The following GRM8 variants were observed in gnomAD, a reference collection of about 807,000 sequenced individuals.
The protein encoded by GRM8 is glutamate metabotropic receptor 8, also known as metabotropic glutamate receptor 8.
In GRM8, 47 loss-of-function variants were observed where a neutral mutation model predicts 87.2. That is an observed-to-expected ratio of 0.54 (90% confidence interval 0.43 to 0.69). GRM8 has a LOEUF of 0.69. Ranked by LOEUF, GRM8 falls within the 30% of genes least tolerant of loss-of-function variation. The pLI is 0.00. For synonymous variants in GRM8, 396 were observed against 404.5 expected (o/e 0.98, Z 0.25); for missense variants, 1,019 against 1,139.2 (o/e 0.89, Z 1.52).
In GRM8 at chr7:126,685,393, C is replaced by T. The variant is rs377116279; in HGVS notation, c.1358-75895G>A. Among the ~76,000 whole-genome samples, 3 of 152,120 alleles carry T rather than the reference C, an allele frequency of 2.0e-5. No homozygotes were observed. The highest frequency in any genetic ancestry group is 6.5e-5 in the Admixed American group (1 of 15,276). On this transcript the variant is annotated intron_variant, in intron 7 of 10. Coordinates refer to ENST00000339582, the MANE Select transcript of GRM8 (RefSeq NM_000845.3). This position sits in a 1 kb window ranked among gnomAD's most constrained non-coding sequence, Gnocchi z 4.2. Reference sequence around the variant, plus strand: ...CCCTGGACAAGCGGGAGACCCACCCCCTCTGAGTTAGCTGGGTGGGAGCTC... The same window carrying T: ...CCCTGGACAAGCGGGAGACCCACCCTCTCTGAGTTAGCTGGGTGGGAGCTC...
At chr7:126,641,948 G>C (rs1802437112) in intron 7 of GRM8, among the ~76,000 whole-genome samples, 1 of 152,084 alleles carries the variant, frequency 6.6e-6, no homozygotes, top group Non-Finnish European at 1.5e-5. Context: ...CACCTCATTG[G>C]CAAGACTGTC....
At chr7:126,521,333 G>C (rs1812950838) in intron 9 of GRM8, among the ~76,000 whole-genome samples, 2 of 152,006 alleles carry the variant, frequency 1.3e-5, no homozygotes, top group South Asian at 2.1e-4. Flanking sequence ...ATAACATAGA[G>C]AGTCTAAAAT....
At chr7:126,708,275 C>T (rs1391420380) in intron 7 of GRM8, among the ~76,000 whole-genome samples, 2 of 151,700 alleles carry the variant, frequency 1.3e-5, no homozygotes, top group Non-Finnish European at 2.9e-5. Context: ...GTACATAGTT[C>T]GTGGGAATGT....
At chr7:127,212,961 T>C (rs973603447) in intron 2 of GRM8, among the ~76,000 whole-genome samples, 1 of 152,364 alleles carries the variant, frequency 6.6e-6, no homozygotes, top group East Asian at 1.9e-4. Context: ...ATTCAACAGA[T>C]AGATTTCTCT....
chr7:127,028,797 A>AT (rs1450095543), intron 3 of GRM8, among the ~76,000 whole-genome samples: 2 of 151,782 alleles, frequency 1.3e-5, no homozygotes, highest in African/African-American at 4.8e-5. Flanking sequence ...GGATTCATTG[A>AT]TTTTTTGAAG....
chr7:126,835,217 T>C (rs1586136589), intron 6 of GRM8, among the ~76,000 whole-genome samples: 1 of 152,210 alleles, frequency 6.6e-6, no homozygotes, highest in African/African-American at 2.4e-5. Context: ...ATGAAACTAC[T>C]GATGTTTCAA....
intron 3 of GRM8, among the ~76,000 whole-genome samples, chr7:127,055,681 A>T (rs17863199): frequency 0.08 from 12,136 of 151,896 alleles, 530 homozygotes; most frequent in South Asian, 0.13. Context: ...ACACACACAC[A>T]CTCACATAAC....
intron 2 of GRM8, among the ~76,000 whole-genome samples, chr7:127,135,010 T>C (rs1359802636): frequency 1.3e-5 from 2 of 152,094 alleles, no homozygotes; most frequent in Non-Finnish European, 2.9e-5. Context: ...GTTTAACACA[T>C]CATTGCTAAA....
intron 3 of GRM8, among the ~76,000 whole-genome samples, chr7:127,064,780 C>T (rs191774186): frequency 9.9e-5 from 15 of 152,158 alleles, no homozygotes; most frequent in Admixed American, 3.9e-4. Flanking sequence ...TCAATATCAC[C>T]GATCATTAGA....
At chr7:126,520,781 C>T (rs987561127) in intron 9 of GRM8, among the ~76,000 whole-genome samples, 36 of 152,004 alleles carry the variant, frequency 2.4e-4, no homozygotes, top group East Asian at 1.9e-4. Flanking sequence ...GAGACATGTA[C>T]GTTATAATCC....
At chr7:126,665,304 T>C (rs1805638440) in intron 7 of GRM8, among the ~76,000 whole-genome samples, 1 of 152,196 alleles carries the variant, frequency 6.6e-6, no homozygotes, top group South Asian at 2.1e-4. Context: ...TGTGCTTGTA[T>C]GTGCATTGCA....
chr7:127,072,602 G>C (rs148806332), intron 3 of GRM8, among the ~76,000 whole-genome samples: 2 of 150,372 alleles, frequency 1.3e-5, no homozygotes, highest in Admixed American at 6.6e-5. Flanking sequence ...TGCCCATCCT[G>C]CCAGCACTAA....
At chr7:126,996,429 A>C (rs1331210152) in intron 3 of GRM8, among the ~76,000 whole-genome samples, 1 of 152,116 alleles carries the variant, frequency 6.6e-6, no homozygotes, top group Admixed American at 6.5e-5. Context: ...AAAGAAAAAC[A>C]ACAGAAAGTC....
chr7:126,880,265 G>A (rs1413834754), intron 6 of GRM8, among the ~76,000 whole-genome samples: 1 of 152,138 alleles, frequency 6.6e-6, no homozygotes, highest in Non-Finnish European at 1.5e-5. Flanking sequence ...AGGAATACAT[G>A]ATTACAAAAA....
intron 6 of GRM8, among the ~76,000 whole-genome samples, chr7:126,826,045 T>A (rs1368540256): frequency 1.3e-5 from 2 of 152,182 alleles, no homozygotes; most frequent in African/African-American, 4.8e-5. Context: ...ACAAAGGACA[T>A]GAACTCATCA....
At chr7:126,887,796 G>T (rs1334722007) in intron 6 of GRM8, among the ~76,000 whole-genome samples, 1 of 152,052 alleles carries the variant, frequency 6.6e-6, no homozygotes, top group Non-Finnish European at 1.5e-5. Context: ...CACTCAAGCG[G>T]GGCTTTGTGT....
At chr7:126,941,213 T>C (rs1806882652) in intron 3 of GRM8, among the ~76,000 whole-genome samples, 1 of 152,146 alleles carries the variant, frequency 6.6e-6, no homozygotes, top group African/African-American at 2.4e-5. Flanking sequence ...GTTTTCAATC[T>C]CAGCAGAAAC....
chr7:126,479,383 G>A (rs1806386350), intron 9 of GRM8, among the ~76,000 whole-genome samples: 1 of 151,918 alleles, frequency 6.6e-6, no homozygotes, highest in African/African-American at 2.4e-5. Context: ...CTCTCCATGA[G>A]CCTTCCCCTA....
intron 7 of GRM8, among the ~76,000 whole-genome samples, chr7:126,719,545 G>A (rs926038515): frequency 1.3e-5 from 2 of 152,200 alleles, no homozygotes; most frequent in African/African-American, 4.8e-5. Context: ...ATGAAAGTAT[G>A]CTGTTGTAAG....
Sources: gnomAD v4.1 joint callset for allele counts (sites outside exome capture counted in the v4.1 genomes callset) on GRCh38, gnomAD v4.1.1 for gene constraint, Gnocchi (gnomAD v3.1) non-coding constraint, MANE v1.5 for transcripts, NCBI Gene and HGNC (gene_info 2026-07-23, HGNC 2026-07-21) for gene names.